The following BAZ2B variants were observed in gnomAD, a reference collection of about 807,000 sequenced individuals.
The protein encoded by BAZ2B is bromodomain adjacent to zinc finger domain protein 2B.
BAZ2B carries 91 observed loss-of-function variants against 246.0 expected under a neutral mutation model. The ratio of observed to expected loss-of-function variants is 0.37; its 90% CI spans 0.31 to 0.44. The LOEUF is 0.44. Ranked by LOEUF, BAZ2B falls within the 20% of genes least tolerant of loss-of-function variation. The probability of loss-of-function intolerance (pLI) is 1.00; values close to 1 mark genes in which losing one functional copy is unlikely to be tolerated. For synonymous variants in BAZ2B, 855 were observed against 860.0 expected, an observed-to-expected ratio of 0.99 and a Z score of 0.10; for missense variants, 2,332 against 2,533.7, an observed-to-expected ratio of 0.92 and a Z score of 1.71.
chr2:159,414,750 G>T (rs1387854027), intron 13 of BAZ2B, among the ~76,000 whole-genome samples: 2 of 151,456 alleles, frequency 1.3e-5, no homozygotes, highest in African/African-American at 2.4e-5. Context: ...TCGGGAGGCG[G>T]AGGTTGCAGT....
rs1402517839 is a variant in BAZ2B, at chr2:159,439,093, T to A, written c.816A>T (p.Glu272Asp). Residue 272 changes from glutamate (E) to aspartate (D), a missense_variant, in exon 7 of 37, where the codon GAA (glutamate) becomes GAT (aspartate). Coordinates refer to ENST00000392783, the MANE Select transcript of BAZ2B (RefSeq NM_013450.4). ...CTTCAATACTTTGATCTTCTTCTTCTTCATCTTCTTCTAGATCATCTGAAT... is the reference window on the plus strand; with the variant it reads ...CTTCAATACTTTGATCTTCTTCTTCATCATCTTCTTCTAGATCATCTGAAT... ...SSDSDDLEED[E>D]EEEDQSIEES... 6.2e-7 allele frequency: 1 copy of A among 1,613,870 alleles called. No individual in the cohort carries two copies. The highest frequency in any genetic ancestry group is 8.5e-7 in the Non-Finnish European group (1 of 1,179,906).
chr2:159,629,826 A>G, the BAZ2B span, among the ~76,000 whole-genome samples: 15 of 152,180 alleles, frequency 9.9e-5, no homozygotes, highest in Non-Finnish European at 1.8e-4. Flanking sequence ...AGTATAATAA[A>G]AAATAAAATA....
At chr2:159,439,360 T>C (rs2072965828) in intron 6 of BAZ2B, 148 bp from the exon 7 acceptor site, 2 of 709,742 alleles carry the variant, frequency 2.8e-6, no homozygotes, top group Non-Finnish European at 4.6e-6. Flanking sequence ...AGGATAATTA[T>C]TTAACAAACT....
intron 2 of BAZ2B, among the ~76,000 whole-genome samples, chr2:159,549,168 C>G (rs970914194): frequency 2.6e-5 from 4 of 152,104 alleles, no homozygotes; most frequent in Non-Finnish European, 5.9e-5. Context: ...GAAACCCCAG[C>G]TACTCAGGAG....
At chr2:159,344,656 G>T (rs1299015835) in intron 31 of BAZ2B, among the ~76,000 whole-genome samples, 3 of 152,072 alleles carry the variant, frequency 2.0e-5, no homozygotes, top group Admixed American at 6.5e-5. Flanking sequence ...TAAAGAAAAT[G>T]TGGCATGTAT....
At chr2:159,472,588 T>G (rs2077948607) in intron 3 of BAZ2B, among the ~76,000 whole-genome samples, 1 of 152,256 alleles carries the variant, frequency 6.6e-6, no homozygotes, top group Non-Finnish European at 1.5e-5. Flanking sequence ...TGCTTCCAGC[T>G]TTAGCCCATT....
At chr2:159,459,838 T>C (rs2076198169) in intron 3 of BAZ2B, 2 of 152,108 alleles carry the variant, frequency 1.3e-5, no homozygotes, top group Non-Finnish European at 2.9e-5. Flanking sequence ...AACAGATGTA[T>C]TGCTCACAAA....
At chr2:159,487,176 G>C (rs751805504) in intron 2 of BAZ2B, among the ~76,000 whole-genome samples, 10 of 152,222 alleles carry the variant, frequency 6.6e-5, no homozygotes, top group Non-Finnish European at 1.2e-4. Context: ...GTTATTGCTA[G>C]AAATTACCTT....
chr2:159,357,022 C>T (rs191515552), intron 27 of BAZ2B, among the ~76,000 whole-genome samples: 3 of 152,192 alleles, frequency 2.0e-5, no homozygotes, highest in Admixed American at 6.5e-5. Context: ...TGAAGAAAAA[C>T]GAACGCAAAA....
intron 2 of BAZ2B, among the ~76,000 whole-genome samples, chr2:159,500,998 G>A (rs1403537307): frequency 6.9e-6 from 1 of 145,628 alleles, no homozygotes; most frequent in Non-Finnish European, 1.5e-5. Flanking sequence ...GGCTGGGCAC[G>A]ATAGCTAATG....
At position 159,348,523 on chromosome 2, in the gene BAZ2B, T is replaced by A. The variant is rs986318640; in HGVS notation, c.5293+155A>T. Among the ~76,000 whole-genome samples the A allele has an allele frequency of 1.3e-5, 2 of 152,078 alleles. 1 individual carries two copies. The highest frequency in any genetic ancestry group is 2.9e-5 in the Non-Finnish European group (2 of 68,010). On this transcript the variant is annotated intron_variant, in intron 30 of 36. Transcript: ENST00000392783. The stretch of plus-strand genomic sequence containing the variant: ...TATATGTTCAGTACAGATGCACCCA[T>A]CTTTCTTTGACTGTTTGATCTGCGA...
the BAZ2B span, among the ~76,000 whole-genome samples, chr2:159,631,189 C>G: frequency 6.6e-5 from 10 of 151,498 alleles, no homozygotes; most frequent in Admixed American, 1.3e-4. Flanking sequence ...AAGCAAGACC[C>G]TGTCAAAAAA....
chr2:159,473,197 C>T (rs1320490752), intron 3 of BAZ2B, among the ~76,000 whole-genome samples: 1 of 152,002 alleles, frequency 6.6e-6, no homozygotes, highest in South Asian at 2.1e-4. Flanking sequence ...TCCATCTGGT[C>T]CTGGGCTTCA....
chr2:159,317,537 T>G (rs1427432747), downstream of BAZ2B, among the ~76,000 whole-genome samples: 4 of 152,366 alleles, frequency 2.6e-5, no homozygotes, highest in East Asian at 7.7e-4. Flanking sequence ...AACTGATGAT[T>G]ATTTTCTGTG....
intron 2 of BAZ2B, among the ~76,000 whole-genome samples, chr2:159,506,654 A>G (rs2082358086): frequency 1.3e-5 from 2 of 152,170 alleles, no homozygotes; most frequent in Admixed American, 1.3e-4. Flanking sequence ...GAAAAGCTTA[A>G]AAAAGAAAGC....
intron 2 of BAZ2B, among the ~76,000 whole-genome samples, chr2:159,539,982 A>T (rs11887321): frequency 0.026 from 3,973 of 152,140 alleles, 175 homozygotes; most frequent in African/African-American, 0.091. Flanking sequence ...CCTCAATTCT[A>T]CCTGACTACC....
chr2:159,320,392 A>G lies in BAZ2B; in HGVS notation c.6380T>C (p.Leu2127Pro). ...GQYPNLETFALDVRLVFDNCE... is the reference protein window; with the variant it reads ...GQYPNLETFAPDVRLVFDNCE... ...GTTGTCAAAAACAAGCCTGACATCT[A>G]GAGCAAAGGTTTCAAGGTTTGGATA... Residue 2127 changes from leucine to proline, a missense_variant, in exon 37 of 37, where the codon CTA becomes CCA. Physicochemically the swap from Leu to Pro is moderately conservative, Grantham distance 98. This residue lies in a region of BAZ2B where 210 missense variants were observed against 232.5 expected (regional missense o/e 0.90). Coordinates refer to ENST00000392783, the MANE Select transcript of BAZ2B (RefSeq NM_013450.4). 1 of 1,574,214 alleles carries G rather than the reference A, an allele frequency of 6.4e-7. No homozygotes were observed. The highest frequency in any genetic ancestry group is 8.6e-7 in the Non-Finnish European group (1 of 1,168,822).
At chr2:159,318,855 C>G (rs2062385389), downstream of BAZ2B, 1 of 152,146 alleles carries the variant, frequency 6.6e-6, no homozygotes, top group South Asian at 2.1e-4. Context: ...TCCACCCAGC[C>G]CAGTGCTCTT....
chr2:159,330,794 G>T (rs1273057492), intron 34 of BAZ2B, among the ~76,000 whole-genome samples: 1 of 152,068 alleles, frequency 6.6e-6, no homozygotes, highest in Non-Finnish European at 1.5e-5. Flanking sequence ...GGGGACTCAA[G>T]ACTGCAATAA....
Sources: gnomAD v4.1 joint callset for allele counts (sites outside exome capture counted in the v4.1 genomes callset) on GRCh38, gnomAD v4.1.1 for gene constraint, gnomAD v4.1.1 regional missense constraint, MANE v1.5 for transcripts, NCBI Gene and HGNC (gene_info 2026-07-23, HGNC 2026-07-21) for gene names.